Variants in ADCY3 observed in about 807,000 individuals in gnomAD.
ADCY3 encodes the protein adenylate cyclase 3.
Under a neutral mutation model 119.4 loss-of-function variants are expected in ADCY3, and 70 were observed. That is an observed-to-expected ratio of 0.59 (90% CI 0.48 to 0.72). The LOEUF is 0.72. ADCY3 is among the 30% of genes least tolerant of loss of function. The probability of loss-of-function intolerance (pLI) is 0.00; values close to 1 mark genes in which losing one functional copy is unlikely to be tolerated. For missense variants in ADCY3, 1,238 were observed against 1,541.6 expected, an observed-to-expected ratio of 0.80 and a Z score of 3.30; for synonymous variants, 672 against 621.4, an observed-to-expected ratio of 1.08 and a Z score of -1.21.
intron 3 of ADCY3, among the ~76,000 whole-genome samples, chr2:24,871,677 A>G (rs1283040885): frequency 6.6e-6 from 1 of 152,234 alleles, no homozygotes; most frequent in Non-Finnish European, 1.5e-5. Context: ...CCTCCTGAAC[A>G]CAGATGACAT....
At chr2:24,849,873 C>G (rs904600076) in intron 3 of ADCY3, among the ~76,000 whole-genome samples, 5 of 152,180 alleles carry the variant, frequency 3.3e-5, no homozygotes, top group Non-Finnish European at 1.5e-5. Flanking sequence ...CGGCCGGCTC[C>G]TCTCATTCAG....
rs1664821737 is a variant in ADCY3, at chr2:24,919,211, C to G, written c.-197-27G>C. 2 of 561,636 alleles carry G rather than the reference C, an allele frequency of 3.6e-6. No homozygotes were observed. The highest frequency in any genetic ancestry group is 6.4e-6 in the Non-Finnish European group (2 of 314,880). The allele number at this position is 561,636 out of a possible 1,614,324, so 34.8% of individuals were successfully genotyped here. A position where few individuals can be genotyped will look rare whatever the true frequency, so the allele number is the denominator to read the frequency against. ...TGAAAAGGGCATTGCTGAGTAGAAG[C>G]ACCTCTTCCCTCCTACCTTGCGGTT... On this transcript the variant is annotated intron_variant, in intron 1 of 21. Transcript: ENST00000679454. The surrounding 1 kb of genome is among the most constrained non-coding windows in gnomAD (Gnocchi z 5.5).
chr2:24,820,339 T>C (rs1667408526), intron 21 of ADCY3: 1 of 1,330,132 alleles, frequency 7.5e-7, no homozygotes, highest in Non-Finnish European at 9.6e-7. Flanking sequence ...TCCAGAGACT[T>C]CTCTCCTAGG....
intron 2 of ADCY3, among the ~76,000 whole-genome samples, chr2:24,883,397 G>A (rs1025911402): frequency 3.3e-5 from 5 of 152,192 alleles, no homozygotes; most frequent in Admixed American, 6.5e-5. Flanking sequence ...TGTGCAGCTC[G>A]ATTCTGAGGG....
intron 2 of ADCY3, among the ~76,000 whole-genome samples, chr2:24,874,554 C>G (rs1179158633): frequency 6.6e-6 from 1 of 152,206 alleles, no homozygotes; most frequent in Non-Finnish European, 1.5e-5. Context: ...AACCTGGGAG[C>G]TGGCCACCTC....
chr2:24,847,923 G>A (rs970436158), intron 3 of ADCY3, among the ~76,000 whole-genome samples: 7 of 152,202 alleles, frequency 4.6e-5, no homozygotes, highest in African/African-American at 1.4e-4. Flanking sequence ...CAGTAATCCC[G>A]GGGATCCCAG....
In ADCY3 at chr2:24,836,900, C is replaced by T; in HGVS notation, c.1662+17G>A. 4 of 1,601,594 alleles carry T rather than the reference C, an allele frequency of 2.5e-6. No homozygotes were observed. Among genetic ancestry groups the T allele is most frequent in the Non-Finnish European group, 3.4e-6 (4 of 1,174,202 alleles). On this transcript the variant is annotated intron_variant, in intron 9 of 21. Transcript: ENST00000679454. ...ATCTGGCCCTCAGTGACCCCCTGCCCTGAGCCCTGCACATACCTGGGCATC... is the reference window on the plus strand; with the variant it reads ...ATCTGGCCCTCAGTGACCCCCTGCCTTGAGCCCTGCACATACCTGGGCATC...
intron 3 of ADCY3, among the ~76,000 whole-genome samples, chr2:24,843,990 A>G (rs1443197085): frequency 6.6e-6 from 1 of 152,162 alleles, no homozygotes; most frequent in Non-Finnish European, 1.5e-5. Flanking sequence ...GAGAATCCCA[A>G]GTTGAGGTTT....
intron 2 of ADCY3, among the ~76,000 whole-genome samples, chr2:24,888,302 T>C (rs1677300188): frequency 6.6e-6 from 1 of 152,236 alleles, no homozygotes; most frequent in South Asian, 2.1e-4. Flanking sequence ...GCAGTGTAGC[T>C]GCACATCCTG....
chr2:24,853,806 A>G (rs887848944), intron 3 of ADCY3, among the ~76,000 whole-genome samples: 5 of 152,110 alleles, frequency 3.3e-5, no homozygotes, highest in Non-Finnish European at 5.9e-5. Context: ...ATCTCTTGAA[A>G]GCTCCTGGCA....
In ADCY3 at chr2:24,820,667, T is replaced by TC. The variant is rs1667499254; in HGVS notation, c.3252+56dup. On this transcript the variant is annotated intron_variant, in intron 21 of 21. Transcript: ENST00000679454. ...GCAGGGGCACGTGGGAAAGCACTGTTCCGGTTTTGTTCTCATGCCGAGTCT... is the reference window on the plus strand; with the variant it reads ...GCAGGGGCACGTGGGAAAGCACTGTTCCCGGTTTTGTTCTCATGCCGAGTCT... 1.9e-6 allele frequency: 3 copies of TC among 1,607,322 alleles called. No homozygotes were observed. In the African/African-American group the frequency reaches 4.0e-5, roughly 21 times the overall value.
chr2:24,851,914 C>G (rs949154813), intron 3 of ADCY3, among the ~76,000 whole-genome samples: 1 of 152,180 alleles, frequency 6.6e-6, no homozygotes, highest in African/African-American at 2.4e-5. Context: ...GTGTAAACCC[C>G]GGATTTAGCA....
chr2:24,860,994 CA>C (rs1673571642), intron 3 of ADCY3, among the ~76,000 whole-genome samples: 3 of 152,184 alleles, frequency 2.0e-5, no homozygotes, highest in Admixed American at 6.5e-5. Context: ...CTCACGACTG[CA>C]ATCCCAGCAC....
Position 24,834,416 on chromosome 2 carries a change from TGCCCCC to T in ADCY3, c.1967+63_1967+68del. ...AATGTCAGGCTCCCGCTGAGACACC[TGCCCCC>T]GCCCCCCGCCCGGCACCACCGCAGC... On this transcript the variant is annotated intron_variant, in intron 11 of 21. Transcript: ENST00000679454. This position sits in a 1 kb window ranked among gnomAD's most constrained non-coding sequence, Gnocchi z 4.2. 4 of 881,718 alleles carry T rather than the reference TGCCCCC, an allele frequency of 4.5e-6. No homozygotes were observed. Among genetic ancestry groups the T allele is most frequent in the South Asian group, 1.5e-5 (1 of 66,962 alleles). The allele number at this position is 881,718 out of a possible 1,614,324, so 54.6% of individuals were successfully genotyped here.
Position 24,842,671 on chromosome 2 carries a change from C to A in ADCY3, c.826-287G>T, listed in dbSNP as rs1251229598. On this transcript the variant is annotated intron_variant, in intron 3 of 21. Transcript: ENST00000679454. The surrounding 1 kb of genome is among the most constrained non-coding windows in gnomAD (Gnocchi z 4.9). ...TGGCTCTGTGCTCAGCATCCTCGTG[C>A]CACAAGAAGCGCAGCAGTCCTGCGT... 9.8e-6 allele frequency: 4 copies of A among 407,528 alleles called. No homozygotes were observed. The highest frequency in any genetic ancestry group is 1.9e-5 in the Non-Finnish European group (4 of 215,538). The allele number at this position is 407,528 out of a possible 1,614,324, so 25.2% of individuals were successfully genotyped here.
intron 9 of ADCY3, 107 bp from the exon 10 acceptor site, chr2:24,835,043 G>A (rs562550114): frequency 5.1e-6 from 7 of 1,374,484 alleles, no homozygotes; most frequent in Middle Eastern, 2.1e-4. Flanking sequence ...GGGCATACTC[G>A]GAGGACCAAT....
chr2:24,843,335 T>C (rs1003472886), intron 3 of ADCY3, among the ~76,000 whole-genome samples: 1 of 152,148 alleles, frequency 6.6e-6, no homozygotes, highest in Non-Finnish European at 1.5e-5. Flanking sequence ...TGGACTCAAG[T>C]GATCCTCCCA....
chr2:24,914,896 G>A (rs182811185), intron 2 of ADCY3, among the ~76,000 whole-genome samples: 201 of 152,082 alleles, frequency 1.3e-3, no homozygotes, highest in Non-Finnish European at 2.6e-3. Context: ...CATTGGTGGG[G>A]CCCCAGCCCC....
chr2:24,824,664 G>A lies in ADCY3; in HGVS notation c.2578-128C>T, dbSNP rs113905080. The A allele has an allele frequency of 2.7e-3, 2,640 of 989,612 alleles. 48 individuals carry two copies. The African/African-American group carries it at 0.036, about 13-fold the overall frequency. The allele number at this position is 989,612 out of a possible 1,614,324, so 61.3% of individuals were successfully genotyped here. On this transcript the variant is annotated intron_variant, in intron 16 of 21. Transcript: ENST00000679454. The stretch of plus-strand genomic sequence containing the variant: ...AGCACTTTGGGAGGCCGAGGCAGGC[G>A]GATCACCTGAGGTCAGGAGTTCGAG...
Sources: allele counts gnomAD v4.1 joint callset (sites outside exome capture counted in the v4.1 genomes callset), GRCh38; gene constraint gnomAD v4.1.1; non-coding constraint Gnocchi (gnomAD v3.1); transcripts MANE v1.5; gene names NCBI Gene and HGNC (gene_info 2026-07-23, HGNC 2026-07-21).